The following CTBP2 variants were observed in gnomAD, a reference collection of about 807,000 sequenced individuals.
CTBP2 encodes C-terminal binding protein 2.
In CTBP2, 30 loss-of-function variants were observed where a neutral mutation model predicts 80.3. That is an observed-to-expected ratio of 0.37 (90% CI 0.28 to 0.51). The LOEUF (loss-of-function observed/expected upper bound fraction) is 0.51. CTBP2 is among the 20% of genes least tolerant of loss of function. The probability of loss-of-function intolerance (pLI) is 0.93; values close to 1 mark genes in which losing one functional copy is unlikely to be tolerated. For synonymous variants in CTBP2, 594 were observed against 587.4 expected (o/e 1.01, Z -0.16); for missense variants, 1,212 against 1,375.3 (o/e 0.88, Z 1.88).
chr10:125,110,351 C>T (rs11814706), intron 2 of CTBP2, among the ~76,000 whole-genome samples: 18,935 of 152,092 alleles, frequency 0.12, 1,820 homozygotes, highest in African/African-American at 0.26. Context: ...AAAGACATGC[C>T]GAAATGAAAC....
chr10:125,042,519 T>C (rs1265975562), intron 2 of CTBP2, among the ~76,000 whole-genome samples: 1 of 152,196 alleles, frequency 6.6e-6, no homozygotes, highest in African/African-American at 2.4e-5. Flanking sequence ...CTGCTGAAAT[T>C]GTTCCTCAAA....
At chr10:125,030,761 G>C (rs1026810013), upstream of CTBP2, among the ~76,000 whole-genome samples, 1 of 152,180 alleles carries the variant, frequency 6.6e-6, no homozygotes, top group Non-Finnish European at 1.5e-5. Flanking sequence ...TGGGCTGCCA[G>C]GTTTGTCTCA....
intron 2 of CTBP2, among the ~76,000 whole-genome samples, chr10:125,050,228 C>A (rs994792893): frequency 6.6e-6 from 1 of 152,172 alleles, no homozygotes; most frequent in African/African-American, 2.4e-5. Context: ...CATCATGGGG[C>A]ACCGGTACCC....
chr10:125,118,774 C>T (rs1853805912), intron 1 of CTBP2, among the ~76,000 whole-genome samples: 1 of 152,216 alleles, frequency 6.6e-6, no homozygotes, highest in African/African-American at 2.4e-5. Context: ...CAGAGGGAAG[C>T]CTGGCCCTGA....
chr10:125,056,964 C>T (rs996263346), intron 2 of CTBP2, among the ~76,000 whole-genome samples: 29 of 152,348 alleles, frequency 1.9e-4, no homozygotes, highest in Non-Finnish European at 1.2e-4. Flanking sequence ...TCCATCACAC[C>T]TTCCCGAGGA....
intron 2 of CTBP2, among the ~76,000 whole-genome samples, chr10:125,053,098 A>AAAG (rs5788693): frequency 0.06 from 9,088 of 152,042 alleles, 909 homozygotes; most frequent in African/African-American, 0.2. Context: ...AGAGAAAAAA[A>AAAG]AAGAAAACAA....
chr10:125,026,591 G>A lies in CTBP2; in HGVS notation c.1169C>T (p.Ala390Val). ...TCGGGGGGATGCTGTCTGCAGAGGAGCCGCAGCGCCCAGAGAAGCCAAGTC... is the reference window on the plus strand; with the variant it reads ...TCGGGGGGATGCTGTCTGCAGAGGAACCGCAGCGCCCAGAGAAGCCAAGTC... Residue 390 changes from alanine to valine, a missense_variant, in exon 1 of 9, where the codon GCT (alanine) becomes GTT (valine). By Grantham distance (64) the Ala-to-Val change is moderately conservative. This residue lies in a region of CTBP2 where 848 missense variants were observed against 782.3 expected (regional missense o/e 1.08). Coordinates refer to ENST00000309035, the MANE Select transcript of CTBP2 (RefSeq NM_022802.3). The A allele has an allele frequency of 1.3e-6, 2 of 1,525,576 alleles. No homozygotes were observed. The highest frequency in any genetic ancestry group is 1.8e-6 in the Non-Finnish European group (2 of 1,137,982). 94.5% of individuals were successfully genotyped at this position (1,525,576 alleles called of 1,614,324 possible). A position where few individuals can be genotyped will look rare whatever the true frequency, so the allele number is the denominator to read the frequency against.
At chr10:125,140,999 G>A (rs957148148) in intron 1 of CTBP2, among the ~76,000 whole-genome samples, 3 of 151,668 alleles carry the variant, frequency 2.0e-5, no homozygotes, top group Non-Finnish European at 4.4e-5. Context: ...AATTAGCCAG[G>A]CCTGACAGAC....
At chr10:125,040,031 G>C (rs564984667) in intron 2 of CTBP2, among the ~76,000 whole-genome samples, 1 of 152,256 alleles carries the variant, frequency 6.6e-6, no homozygotes, top group East Asian at 1.9e-4. Context: ...AGGAGGATCT[G>C]AGCACTTTGG....
At chr10:125,117,222 T>TG (rs1406263951) in intron 1 of CTBP2, among the ~76,000 whole-genome samples, 1 of 152,024 alleles carries the variant, frequency 6.6e-6, no homozygotes, top group African/African-American at 2.4e-5. Flanking sequence ...ACGGGGGCAG[T>TG]GGGGGGTGGC....
At chr10:125,118,805 G>A (rs1177570328) in intron 1 of CTBP2, among the ~76,000 whole-genome samples, 2 of 152,240 alleles carry the variant, frequency 1.3e-5, no homozygotes, top group African/African-American at 4.8e-5. Flanking sequence ...AAGGCGCGCA[G>A]CTCCGAAAGA....
At chr10:125,087,143 C>G (rs915032482) in intron 2 of CTBP2, among the ~76,000 whole-genome samples, 2 of 150,020 alleles carry the variant, frequency 1.3e-5, no homozygotes, top group Non-Finnish European at 3.0e-5. Context: ...GGTGTGATCT[C>G]AGCTCCCTGC....
At chr10:125,043,745 G>A (rs1269344365) in intron 2 of CTBP2, among the ~76,000 whole-genome samples, 3 of 152,118 alleles carry the variant, frequency 2.0e-5, no homozygotes, top group Admixed American at 2.0e-4. Flanking sequence ...CGACCCTCTC[G>A]ATTTCTTGAC....
At position 125,069,233 on chromosome 10, in the gene CTBP2, T is replaced by G. The variant is rs1444520548; in HGVS notation, c.-101-30078A>C. 2.0e-5 allele frequency among the ~76,000 whole-genome samples: 3 copies of G among 152,340 alleles called. No individual in the cohort carries two copies. In the East Asian group the frequency reaches 5.8e-4, roughly 29 times the overall value. ...TCTATTGACAACACTACAAATTGCGTTATGATTTTATAAAGCTTTAAATTC... is the reference window on the plus strand; with the variant it reads ...TCTATTGACAACACTACAAATTGCGGTATGATTTTATAAAGCTTTAAATTC... On this transcript the variant is annotated intron_variant, in intron 2 of 10. Coordinates refer to the CTBP2 transcript ENST00000337195.
chr10:125,023,139 T>C (rs1473293892), intron 1 of CTBP2, among the ~76,000 whole-genome samples: 1 of 152,202 alleles, frequency 6.6e-6, no homozygotes, highest in East Asian at 1.9e-4. Context: ...CCCTCCATCC[T>C]GGAGTCCTCA....
intron 2 of CTBP2, among the ~76,000 whole-genome samples, chr10:125,109,232 T>C (rs1466715317): frequency 6.6e-6 from 1 of 152,232 alleles, no homozygotes; most frequent in Non-Finnish European, 1.5e-5. Context: ...AACGTAATGA[T>C]GGTCCATCCA....
intron 2 of CTBP2, among the ~76,000 whole-genome samples, chr10:125,050,964 T>TGCCCATGAATACAGTC (rs1259101376): frequency 6.6e-6 from 1 of 152,188 alleles, no homozygotes; most frequent in African/African-American, 2.4e-5. Flanking sequence ...GGGTGGATGG[T>TGCCCATGAATACAGTC]GCCCATGAAT....
chr10:125,046,069 T>TAA (rs530526209), intron 2 of CTBP2, among the ~76,000 whole-genome samples: 1 of 149,678 alleles, frequency 6.7e-6, no homozygotes, highest in African/African-American at 2.5e-5. Flanking sequence ...TGCTTGGGTT[T>TAA]AAAAAAAAAA....
At position 124,998,100 on chromosome 10, in the gene CTBP2, G is replaced by A. The variant is rs745919237; in HGVS notation, c.2049C>T (p.Leu683=). 78 of 1,612,638 alleles carry A rather than the reference G, an allele frequency of 4.8e-5. No individual in the cohort carries two copies. The highest frequency in any genetic ancestry group is 6.3e-5 in the Non-Finnish European group (74 of 1,179,694). Residue 683 remains leucine, a synonymous_variant, in exon 4 of 9, where the codon CTC becomes CTT. Transcript: ENST00000309035. ...GCCACGTGTTCCTCCGGTACAGGTT[G>A]AGGATGTGGCAGATGGTAGAGTCCG...
Sources: gnomAD v4.1 joint callset for allele counts (sites outside exome capture counted in the v4.1 genomes callset) on GRCh38, gnomAD v4.1.1 for gene constraint, gnomAD v4.1.1 regional missense constraint, MANE v1.5 for transcripts, NCBI Gene and HGNC (gene_info 2026-07-23, HGNC 2026-07-21) for gene names.